Variants in MMAA observed in about 807,000 individuals in gnomAD.
MMAA encodes the protein methylmalonic aciduria type A protein, mitochondrial.
A neutral mutation model predicts 45.0 loss-of-function variants in MMAA; 41 were observed. The ratio of observed to expected loss-of-function variants is 0.91; its 90% CI spans 0.71 to 1.18. The LOEUF (loss-of-function observed/expected upper bound fraction) is 1.18, where lower values mean the gene tolerates loss of function less well. Among genes scored for constraint, MMAA ranks in the 50% most tolerant of loss-of-function variants. MMAA has a pLI of 0.00. For missense variants in MMAA, 460 were observed against 495.7 expected (o/e 0.93, Z 0.68); for synonymous variants, 154 against 178.2 (o/e 0.86, Z 1.08).
At chr4:145,637,041 A>C (rs1230906049) in intron 1 of MMAA, among the ~76,000 whole-genome samples, 1 of 152,230 alleles carries the variant, frequency 6.6e-6, no homozygotes, top group Non-Finnish European at 1.5e-5. Flanking sequence ...CTAATATATT[A>C]ATAGAAGGTT....
chr4:145,625,995 C>G, intron 1 of MMAA: 3 of 1,448,694 alleles, frequency 2.1e-6, no homozygotes, highest in Non-Finnish European at 2.9e-6. Flanking sequence ...AAGGGGTTCT[C>G]TATTACTGGA....
intron 5 of MMAA, 87 bp downstream of exon 5, chr4:145,651,234 G>A: frequency 9.4e-7 from 1 of 1,065,624 alleles, no homozygotes; most frequent in Non-Finnish European, 1.4e-6. Context: ...TGTAAACTAA[G>A]TTGATAATGG....
intron 1 of MMAA, among the ~76,000 whole-genome samples, chr4:145,628,880 T>C (rs1270619485): frequency 6.6e-6 from 1 of 152,156 alleles, no homozygotes; most frequent in African/African-American, 2.4e-5. Context: ...TATATAGTTA[T>C]TCTATGTGTG....
chr4:145,643,743 T>A (rs576522516), intron 3 of MMAA, among the ~76,000 whole-genome samples: 9 of 152,290 alleles, frequency 5.9e-5, no homozygotes, highest in Admixed American at 2.6e-4. Flanking sequence ...GAAGGATTTT[T>A]TAGTAAGTGG....
At chr4:145,624,691 T>C (rs1734163615) in intron 1 of MMAA, 4 of 1,530,656 alleles carry the variant, frequency 2.6e-6, no homozygotes, top group South Asian at 1.1e-5. Context: ...TTGGGTTCCA[T>C]GGGCATCCCA....
chr4:145,648,273 G>A (rs1237262354), intron 4 of MMAA, among the ~76,000 whole-genome samples: 5 of 150,716 alleles, frequency 3.3e-5, no homozygotes, highest in African/African-American at 7.3e-5. Context: ...TCAGCCCCCC[G>A]AGTAGCTGGG....
rs866580843 is a variant in MMAA at position 145,655,225 on chromosome 4, C to T, written c.1048C>T (p.Leu350Phe). ...DKMKDFQDLM[L>F]ASGELTAKRR... Reference sequence around the variant, plus strand: ...AATGAAAGATTTCCAGGACCTAATGCTTGCCAGTGGGGAGCTGACTGCCAA... The same window carrying T: ...AATGAAAGATTTCCAGGACCTAATGTTTGCCAGTGGGGAGCTGACTGCCAA... Residue 350 changes from leucine (L) to phenylalanine (F), a missense_variant, in exon 7 of 7, where the codon CTT (leucine) becomes TTT (phenylalanine). Transcript: ENST00000649156. 9.9e-6 allele frequency: 16 copies of T among 1,614,142 alleles called. No individual in the cohort carries two copies. The highest frequency in any genetic ancestry group is 5.3e-5 in the African/African-American group (4 of 75,048).
At chr4:145,642,979 A>T (rs963920977) in intron 3 of MMAA, among the ~76,000 whole-genome samples, 17 of 152,228 alleles carry the variant, frequency 1.1e-4, no homozygotes. Flanking sequence ...TTAGAGGGGC[A>T]CTGTAATATA....
intron 1 of MMAA, chr4:145,625,061 C>T (rs981269869): frequency 1.1e-6 from 1 of 906,420 alleles, no homozygotes; most frequent in African/African-American, 1.6e-5. Context: ...TTCATGACTG[C>T]CATTCTCGGG....
intron 4 of MMAA, among the ~76,000 whole-genome samples, chr4:145,649,541 T>C (rs1728032190): frequency 6.6e-6 from 1 of 152,208 alleles, no homozygotes; most frequent in Middle Eastern, 3.2e-3. Flanking sequence ...ATAAGAGGTA[T>C]AGCTGAATTA....
chr4:145,639,519 T>C lies in MMAA; in HGVS notation c.380T>C (p.Leu127Ser). Residue 127 changes from leucine (L) to serine (S), a missense_variant, in exon 2 of 7, where the codon TTA becomes TCA. By Grantham distance (145) the Leu-to-Ser change is moderately radical (BLOSUM62 -2). Transcript: ENST00000649156. ...GCCCAGGTGCTTCTTCAGAAAGTAT[T>C]ACTTTACCACAGAGAACAAGAACAA... ...ELAQVLLQKV[L>S]LYHREQEQSN... is the part of the protein sequence containing the mutation. 1 of 1,613,836 alleles carries C rather than the reference T, an allele frequency of 6.2e-7. No homozygotes were observed. The highest frequency in any genetic ancestry group is 8.5e-7 in the Non-Finnish European group (1 of 1,179,850).
intron 3 of MMAA, 71 bp downstream of exon 3, chr4:145,642,556 C>T: frequency 1.2e-6 from 2 of 1,600,698 alleles, no homozygotes; most frequent in Non-Finnish European, 1.7e-6. Context: ...TAGGAATTGG[C>T]ACAGTTGGGT....
At position 145,633,196 on chromosome 4, in the gene MMAA, C is replaced by CTTT. The variant is rs941603291; in HGVS notation, c.-65-5860_-65-5858dup. 3.7e-3 allele frequency among the ~76,000 whole-genome samples: 331 copies of CTTT among 88,422 alleles called. 9 individuals carry two copies. Among genetic ancestry groups the CTTT allele is most frequent in the African/African-American group, 9.9e-3 (199 of 20,118 alleles). The allele number at this position is 88,422 out of a possible 152,430, so 58.0% of individuals were successfully genotyped here. A position where few individuals can be genotyped will look rare whatever the true frequency, so the allele number is the denominator to read the frequency against. On this transcript the variant is annotated intron_variant, in intron 1 of 6. Coordinates refer to ENST00000649156, the MANE Select transcript of MMAA (RefSeq NM_172250.3). Reference sequence around the variant, plus strand: ...CTTGTGGTATCTTGAATTTCTTTTTCTTTTTTTTTTTTTTTTTTTTTGAGA... The same window carrying CTTT: ...CTTGTGGTATCTTGAATTTCTTTTTCTTTTTTTTTTTTTTTTTTTTTTTTGAGA...
intron 1 of MMAA, among the ~76,000 whole-genome samples, chr4:145,628,091 ATGT>A (rs1734241785): frequency 6.6e-6 from 1 of 152,244 alleles, no homozygotes; most frequent in African/African-American, 2.4e-5. Context: ...TTTGACTCTG[ATGT>A]TAGGAAGAAA....
intron 6 of MMAA, among the ~76,000 whole-genome samples, chr4:145,654,822 C>T (rs1013865512): frequency 1.3e-5 from 2 of 152,160 alleles, no homozygotes; most frequent in Admixed American, 1.3e-4. Flanking sequence ...GGGGAACCTA[C>T]CTGGCATTGC....
At chr4:145,643,727 C>T (rs556630403) in intron 3 of MMAA, among the ~76,000 whole-genome samples, 1 of 152,130 alleles carries the variant, frequency 6.6e-6, no homozygotes, top group East Asian at 1.9e-4. Context: ...AAAGTAAGTA[C>T]TTAATGAAGG....
At chr4:145,623,573 A>G (rs1734131850) in intron 1 of MMAA, among the ~76,000 whole-genome samples, 1 of 152,218 alleles carries the variant, frequency 6.6e-6, no homozygotes, top group African/African-American at 2.4e-5. Flanking sequence ...ATGTTTGGTA[A>G]TTAATGTCAA....
At chr4:145,650,463 T>G in intron 4 of MMAA, 1 of 157,468 alleles carries the variant, frequency 6.4e-6, no homozygotes, top group Admixed American at 6.1e-5. Flanking sequence ...AGCGGGGAGA[T>G]TATGGGACAG....
intron 1 of MMAA, chr4:145,624,794 G>A: frequency 6.2e-7 from 1 of 1,606,310 alleles, no homozygotes; most frequent in African/African-American, 1.3e-5. Context: ...AGCTTATGCA[G>A]GGCTCATTGG....
Sources: allele counts gnomAD v4.1 joint callset (sites outside exome capture counted in the v4.1 genomes callset), GRCh38; gene constraint gnomAD v4.1.1; transcripts MANE v1.5; gene names NCBI Gene and HGNC (gene_info 2026-07-23, HGNC 2026-07-21).